The following DSCAML1 variants were observed in gnomAD, a reference collection of about 807,000 sequenced individuals.
DSCAML1 encodes the protein cell adhesion molecule DSCAML1.
In DSCAML1, 38 loss-of-function variants were observed where a neutral mutation model predicts 200.5. The observed-to-expected ratio is 0.19, with a 90% confidence interval of 0.15 to 0.25. DSCAML1 has a LOEUF of 0.25. Ranked by LOEUF, DSCAML1 falls within the 10% of genes least tolerant of loss-of-function variation. The pLI is 1.00. For missense variants in DSCAML1, 2,223 were observed against 2,858.8 expected (o/e 0.78, Z 5.07); for synonymous variants, 1,215 against 1,165.0 (o/e 1.04, Z -0.87).
intron 11 of DSCAML1, among the ~76,000 whole-genome samples, chr11:117,494,152 A>C (rs998041829): frequency 1.3e-5 from 2 of 152,170 alleles, no homozygotes; most frequent in South Asian, 2.1e-4. Context: ...TCAGAAACAG[A>C]AGGAGATGCC....
At chr11:117,764,406 T>C (rs1291622157) in intron 3 of DSCAML1, among the ~76,000 whole-genome samples, 1 of 152,198 alleles carries the variant, frequency 6.6e-6, no homozygotes, top group East Asian at 1.9e-4. Flanking sequence ...AAAATCAGTT[T>C]CTTTGGTGCG....
At chr11:117,683,651 C>G (rs1020255715) in intron 3 of DSCAML1, among the ~76,000 whole-genome samples, 1 of 152,172 alleles carries the variant, frequency 6.6e-6, no homozygotes, top group East Asian at 1.9e-4. Flanking sequence ...TGTAGCCTCT[C>G]GGGCCAAATG....
chr11:117,677,979 T>C (rs919334183), intron 3 of DSCAML1, among the ~76,000 whole-genome samples: 1 of 152,162 alleles, frequency 6.6e-6, no homozygotes, highest in Non-Finnish European at 1.5e-5. Flanking sequence ...GTGCGGTGTG[T>C]CCTAGAACAG....
intron 3 of DSCAML1, among the ~76,000 whole-genome samples, chr11:117,713,234 G>T (rs558010271): frequency 2.0e-5 from 3 of 152,112 alleles, no homozygotes; most frequent in Non-Finnish European, 4.4e-5. Context: ...TCCTGCCTCA[G>T]CCTCCCAAGT....
At chr11:117,555,047 GC>G (rs1261489406) in intron 3 of DSCAML1, among the ~76,000 whole-genome samples, 2 of 152,204 alleles carry the variant, frequency 1.3e-5, no homozygotes, top group African/African-American at 2.4e-5. Flanking sequence ...CTCATGCTGG[GC>G]CCCCTGCATG....
chr11:117,772,146 G>C (rs1486288624), intron 3 of DSCAML1, among the ~76,000 whole-genome samples: 1 of 151,990 alleles, frequency 6.6e-6, no homozygotes, highest in Non-Finnish European at 1.5e-5. Flanking sequence ...GAGAGGAGGG[G>C]GCCACTGTAC....
In DSCAML1 at chr11:117,439,286, A is replaced by G. The variant is rs1056894234; in HGVS notation, c.4124T>C (p.Ile1375Thr). ...ATNTGGFDTI[I>T]VNLLVQVPPD... ...CTCACCTTGCACCAGAAGGTTGACG[A>G]TGATGGTGTCAAAGCCACCAGTGTT... is the stretch of plus-strand genomic sequence containing the variant. Residue 1375 changes from isoleucine to threonine, a missense_variant, in exon 23 of 33, where the codon ATC becomes ACC. By Grantham distance (89) the Ile-to-Thr change is moderately conservative (BLOSUM62 -1). Transcript: ENST00000651296. 4 of 1,614,046 alleles carry G rather than the reference A, an allele frequency of 2.5e-6. No individual in the cohort carries two copies. Among genetic ancestry groups the G allele is most frequent in the Non-Finnish European group, 3.4e-6 (4 of 1,179,976 alleles).
At chr11:117,582,269 T>C (rs1038607453) in intron 3 of DSCAML1, among the ~76,000 whole-genome samples, 1 of 152,368 alleles carries the variant, frequency 6.6e-6, no homozygotes. Context: ...TGGTATGGTT[T>C]GAACCCACAA....
At position 117,532,325 on chromosome 11, in the gene DSCAML1, G is replaced by C. The variant is rs1393678395; in HGVS notation, c.658+51C>G. ...GCGTGCCAAGTTCCAGGGATGGCCT[G>C]GTGTCCTCCCTTCCCAGCCTGCCCC... On this transcript the variant is annotated intron_variant, in intron 4 of 32. Transcript: ENST00000651296. 5.1e-6 allele frequency: 8 copies of C among 1,574,258 alleles called. No individual in the cohort carries two copies. In the Admixed American group the frequency reaches 8.9e-5, roughly 17 times the overall value.
intron 3 of DSCAML1, among the ~76,000 whole-genome samples, chr11:117,619,144 C>T (rs2051873700): frequency 6.6e-6 from 1 of 152,214 alleles, no homozygotes; most frequent in African/African-American, 2.4e-5. Flanking sequence ...GTCCCATATG[C>T]TTCCCGTAAG....
intron 3 of DSCAML1, among the ~76,000 whole-genome samples, chr11:117,724,796 C>G (rs11216517): frequency 2.6e-5 from 4 of 152,140 alleles, no homozygotes; most frequent in African/African-American, 7.2e-5. Context: ...CCACACCCCC[C>G]TGACACTCTC....
chr11:117,484,459 T>C (rs1479782260), intron 11 of DSCAML1, among the ~76,000 whole-genome samples: 2 of 152,056 alleles, frequency 1.3e-5, no homozygotes, highest in African/African-American at 4.8e-5. Flanking sequence ...GCTCATCAAA[T>C]AATGAAGCAG....
At chr11:117,547,039 G>GAA (rs1565780538) in intron 3 of DSCAML1, among the ~76,000 whole-genome samples, 2 of 152,046 alleles carry the variant, frequency 1.3e-5, no homozygotes, top group African/African-American at 4.8e-5. Flanking sequence ...AGAGGAAGAT[G>GAA]AAAAAAAGAG....
intron 3 of DSCAML1, among the ~76,000 whole-genome samples, chr11:117,739,886 C>T (rs2137837487): frequency 6.6e-6 from 1 of 152,360 alleles, no homozygotes; most frequent in African/African-American, 2.4e-5. Flanking sequence ...CCCCTGGTCT[C>T]ACCACAGACT....
At chr11:117,433,811 A>G (rs896573337) in intron 27 of DSCAML1, among the ~76,000 whole-genome samples, 3 of 152,228 alleles carry the variant, frequency 2.0e-5, no homozygotes, top group Admixed American at 1.3e-4. Context: ...CTGGAAATGG[A>G]TATCAGTGGA....
intron 3 of DSCAML1, among the ~76,000 whole-genome samples, chr11:117,767,678 G>T (rs2054924174): frequency 6.6e-6 from 1 of 152,136 alleles, no homozygotes; most frequent in Non-Finnish European, 1.5e-5. Flanking sequence ...AACAGTAATT[G>T]CTGGGAGTTC....
chr11:117,670,086 C>T (rs2053072379), intron 3 of DSCAML1, among the ~76,000 whole-genome samples: 1 of 152,222 alleles, frequency 6.6e-6, no homozygotes. Flanking sequence ...CGCTGTGATG[C>T]TTGGCTCTTC....
At chr11:117,484,833 A>T (rs1021557085) in intron 11 of DSCAML1, among the ~76,000 whole-genome samples, 1 of 149,682 alleles carries the variant, frequency 6.7e-6, no homozygotes, top group African/African-American at 2.5e-5. Context: ...CTTCCTGGGG[A>T]GGAATCCTGT....
chr11:117,684,499 AG>A (rs544199298), intron 3 of DSCAML1, among the ~76,000 whole-genome samples: 116 of 151,416 alleles, frequency 7.7e-4, no homozygotes, highest in African/African-American at 2.7e-3. Flanking sequence ...TGAAGACGCT[AG>A]GATATCAAAA....
Sources: allele counts gnomAD v4.1 joint callset (sites outside exome capture counted in the v4.1 genomes callset), GRCh38; gene constraint gnomAD v4.1.1; transcripts MANE v1.5; gene names NCBI Gene and HGNC (gene_info 2026-07-23, HGNC 2026-07-21).